ELOC: variants seen among roughly 807,000 people sequenced by gnomAD.
ELOC encodes elongin C.
For missense variants in ELOC, 38 were observed against 139.0 expected, an observed-to-expected ratio of 0.27 and a Z score of 3.65; for synonymous variants, 40 against 51.3, an observed-to-expected ratio of 0.78 and a Z score of 0.94.
chr8:73,948,864 CAAG>C (rs1362693031), intron 3 of ELOC, among the ~76,000 whole-genome samples: 4 of 152,066 alleles, frequency 2.6e-5, no homozygotes, highest in Admixed American at 2.6e-4. Context: ...AGCAAGCAAG[CAAG>C]CAAGCAAGCA....
At chr8:73,967,179 C>T (rs955528158) in intron 1 of ELOC, among the ~76,000 whole-genome samples, 1 of 152,168 alleles carries the variant, frequency 6.6e-6, no homozygotes, top group Non-Finnish European at 1.5e-5. Context: ...ATGTGCCAGG[C>T]ACTGCTCTAC....
intron 1 of ELOC, among the ~76,000 whole-genome samples, chr8:73,960,936 A>G (rs550464743): frequency 1.1e-4 from 16 of 140,480 alleles, no homozygotes; most frequent in Middle Eastern, 3.5e-3. Flanking sequence ...ACACAGTGAG[A>G]TCCTATCTCT....
At chr8:73,965,058 CA>C (rs1050411136) in intron 1 of ELOC, among the ~76,000 whole-genome samples, 2 of 135,534 alleles carry the variant, frequency 1.5e-5, no homozygotes, top group African/African-American at 5.4e-5. Flanking sequence ...AAAAAACTCT[CA>C]AAAACCAAAA....
At chr8:73,971,692 T>C (rs941773335) in intron 1 of ELOC, among the ~76,000 whole-genome samples, 9 of 151,844 alleles carry the variant, frequency 5.9e-5, no homozygotes, top group African/African-American at 2.2e-4. Flanking sequence ...GCGAGAGACC[T>C]CTCCCTGGGC....
At chr8:73,951,647 CACA>C (rs71269967) in intron 3 of ELOC, among the ~76,000 whole-genome samples, 35,075 of 149,778 alleles carry the variant, frequency 0.23, 4,574 homozygotes, top group African/African-American at 0.34. Context: ...CAAAAAACCC[CACA>C]ACAACAACAA....
chr8:73,948,450 T>A (rs542118281), intron 3 of ELOC, among the ~76,000 whole-genome samples: 1 of 152,256 alleles, frequency 6.6e-6, no homozygotes, highest in East Asian at 1.9e-4. Context: ...GTTTTCTGAT[T>A]TGGCTTTTCT....
At chr8:73,950,123 C>T (rs1055632510) in intron 3 of ELOC, among the ~76,000 whole-genome samples, 1 of 151,966 alleles carries the variant, frequency 6.6e-6, no homozygotes, top group Non-Finnish European at 1.5e-5. Context: ...TTTTCGGGAT[C>T]GGGGAACAAT....
chr8:73,956,103 A>G (rs1814163779), intron 2 of ELOC, 49 bp from the exon 3 acceptor site: 2 of 1,572,064 alleles, frequency 1.3e-6, no homozygotes, highest in South Asian at 1.1e-5. Flanking sequence ...ACAGTGTACT[A>G]AAACTAAACA....
chr8:73,958,004 G>A (rs1231418158), intron 2 of ELOC, among the ~76,000 whole-genome samples: 2 of 151,774 alleles, frequency 1.3e-5, no homozygotes, highest in African/African-American at 2.4e-5. Flanking sequence ...TCGAACTCCT[G>A]ACCTCAAGTG....
At chr8:73,961,659 G>A (rs1445063567) in intron 1 of ELOC, among the ~76,000 whole-genome samples, 1 of 151,996 alleles carries the variant, frequency 6.6e-6, no homozygotes, top group Non-Finnish European at 1.5e-5. Flanking sequence ...GATTACAGGC[G>A]TCTGTCACCG....
chr8:73,967,841 C>T (rs779852959), intron 1 of ELOC, among the ~76,000 whole-genome samples: 1 of 152,216 alleles, frequency 6.6e-6, no homozygotes, highest in Non-Finnish European at 1.5e-5. Context: ...AAAAACCATT[C>T]TTAGCTTGCG....
chr8:73,958,401 C>T (rs35767779), intron 2 of ELOC, among the ~76,000 whole-genome samples: 1 of 152,094 alleles, frequency 6.6e-6, no homozygotes, highest in African/African-American at 2.4e-5. Context: ...AGCCAGGACC[C>T]TAAGAAGACT....
At chr8:73,952,561 A>G (rs1264347598) in intron 3 of ELOC, among the ~76,000 whole-genome samples, 1 of 151,224 alleles carries the variant, frequency 6.6e-6, no homozygotes, top group Non-Finnish European at 1.5e-5. Context: ...TGGGCGGATC[A>G]TGAGGTCAGG....
intron 2 of ELOC, 140 bp from the exon 3 acceptor site, chr8:73,956,194 C>T: frequency 1.4e-6 from 1 of 705,666 alleles, no homozygotes; most frequent in South Asian, 2.1e-5. Flanking sequence ...AGTTCAAGAC[C>T]AGCCTGGTCA....
intron 3 of ELOC, among the ~76,000 whole-genome samples, chr8:73,954,929 G>A (rs1405820470): frequency 6.6e-6 from 1 of 150,514 alleles, no homozygotes; most frequent in Non-Finnish European, 1.5e-5. Flanking sequence ...AGCTACTCGG[G>A]AGGCTGAGGC....
At position 73,955,948 on chromosome 8, in the gene ELOC, T is replaced by C; in HGVS notation, c.111A>G (p.Leu37=). The C allele has an allele frequency of 1.2e-6, 2 of 1,614,026 alleles. No homozygotes were observed. The highest frequency in any genetic ancestry group is 1.7e-6 in the Non-Finnish European group (2 of 1,179,892). ...ACATGGCTTTTATCGTGCCTGATGT[T>C]AATGCATGTTCTCTTTTTACAATAA... ...HEFIVKREHA[L]TSGTIKAMLS... is the part of the protein sequence containing the mutation. Residue 37 remains leucine (L), a synonymous_variant, in exon 3 of 4, where the codon TTA becomes TTG. Transcript: ENST00000520242.
Position 73,945,959 on chromosome 8 carries a change from A to T in ELOC, c.*671T>A, listed in dbSNP as rs973123821. On this transcript the variant is annotated 3_prime_UTR_variant, in exon 4 of 4. Transcript: ENST00000520242. ...TACCCAAAATGTATAATGCACAAGA[A>T]CTCTAAGTCATGTAGTTTACTTGCT... is the stretch of plus-strand genomic sequence containing the variant. The T allele has an allele frequency of 4.6e-5, 7 of 151,448 alleles. No homozygotes were observed. Among genetic ancestry groups the T allele is most frequent in the African/African-American group, 1.7e-4 (7 of 40,800 alleles). 9.4% of individuals were successfully genotyped at this position (151,448 alleles called of 1,614,324 possible).
intron 2 of ELOC, among the ~76,000 whole-genome samples, chr8:73,957,401 T>A (rs1157490330): frequency 1.3e-5 from 2 of 152,132 alleles, no homozygotes; most frequent in African/African-American, 4.8e-5. Context: ...ATCTCCTTAA[T>A]TTTTACAATT....
intron 1 of ELOC, among the ~76,000 whole-genome samples, chr8:73,960,541 C>T (rs1206285601): frequency 6.6e-6 from 1 of 152,162 alleles, no homozygotes; most frequent in African/African-American, 2.4e-5. Context: ...AGACTCAGCT[C>T]AGCCTTGTTG....
Sources: allele counts gnomAD v4.1 joint callset (sites outside exome capture counted in the v4.1 genomes callset), GRCh38; gene constraint gnomAD v4.1.1; transcripts MANE v1.5; gene names NCBI Gene and HGNC (gene_info 2026-07-23, HGNC 2026-07-21).